NF1: variants seen among roughly 807,000 people sequenced by gnomAD.
NF1 encodes neurofibromin 1, also known as neurofibromin.
In NF1, 122 loss-of-function variants were observed where a neutral mutation model predicts 325.7. That is an observed-to-expected ratio of 0.37 (90% confidence interval 0.32 to 0.44). The LOEUF is 0.44. NF1 is among the 20% of genes least tolerant of loss of function. The pLI is 1.00. For synonymous variants in NF1, 1,091 were observed against 1,186.0 expected (o/e 0.92, Z 1.65); for missense variants, 2,140 against 3,415.4 (o/e 0.63, Z 9.31).
At chr17:31,164,036 C>G (rs989164832) in intron 4 of NF1, among the ~76,000 whole-genome samples, 2 of 152,162 alleles carry the variant, frequency 1.3e-5, no homozygotes, top group Non-Finnish European at 2.9e-5. Flanking sequence ...CCTTTGCTGT[C>G]TCATCCTCAC....
At chr17:31,131,436 G>T (rs868831105) in intron 1 of NF1, among the ~76,000 whole-genome samples, 2 of 152,194 alleles carry the variant, frequency 1.3e-5, no homozygotes, top group Non-Finnish European at 2.9e-5. Context: ...TGGTAGCCCT[G>T]TGCAGGGTTC....
intron 13 of NF1, among the ~76,000 whole-genome samples, 156 bp downstream of exon 13, chr17:31,214,741 T>G (rs2066791494): frequency 6.6e-6 from 1 of 152,212 alleles, no homozygotes; most frequent in South Asian, 2.1e-4. Context: ...AGAAAACTAA[T>G]GTATAATGAA....
intron 1 of NF1, among the ~76,000 whole-genome samples, chr17:31,102,266 T>C (rs1912407102): frequency 6.6e-6 from 1 of 152,296 alleles, no homozygotes; most frequent in Non-Finnish European, 1.5e-5. Flanking sequence ...TATTTTGCAA[T>C]GGTGTGATAG....
chr17:31,312,816 A>G (rs1034644571), intron 36 of NF1, among the ~76,000 whole-genome samples: 5 of 152,096 alleles, frequency 3.3e-5, no homozygotes, highest in African/African-American at 4.8e-5. Context: ...CCCACTATGA[A>G]CATATTATTC....
intron 1 of NF1, among the ~76,000 whole-genome samples, chr17:31,119,482 T>C (rs1914251517): frequency 6.6e-6 from 1 of 151,670 alleles, no homozygotes; most frequent in Non-Finnish European, 1.5e-5. Flanking sequence ...TTCTTGTAAA[T>C]TTAAGTTCTT....
Position 31,325,921 on chromosome 17 carries a change from C to CCCAT in NF1, c.4938_4941dup (p.Thr1648ProfsTer5). 1 of 1,614,134 alleles carries CCCAT rather than the reference C, an allele frequency of 6.2e-7. No individual in the cohort carries two copies. ...CCATATGAAATTGTAGTGGACCTTA[C>CCCAT]CCATACCGGGCCTAGCAATCGCTTT... On this transcript the variant is annotated frameshift_variant, in exon 37 of 58. Transcript: ENST00000358273. LOFTEE classifies it high-confidence loss of function.
rs770999287 is a variant in NF1, at chr17:31,200,380, A to G, written c.889-42A>G. ...ATATTAGCTACATCTGGAATAGAAG[A>G]AACTTCATATATTATCTTATCGCTA... is the stretch of plus-strand genomic sequence containing the variant. On this transcript the variant is annotated intron_variant, in intron 8 of 57. Transcript: ENST00000358273. 6 of 1,595,164 alleles carry G rather than the reference A, an allele frequency of 3.8e-6. No homozygotes were observed. In the African/African-American group the frequency reaches 5.4e-5, roughly 14 times the overall value.
At chr17:31,360,048 C>T in intron 56 of NF1, 1 of 181,326 alleles carries the variant, frequency 5.5e-6, no homozygotes, top group Non-Finnish European at 1.2e-5. Flanking sequence ...AAAAATGGGC[C>T]TGAAGTTACA....
At chr17:31,108,431 G>A (rs554257539) in intron 1 of NF1, among the ~76,000 whole-genome samples, 5 of 151,796 alleles carry the variant, frequency 3.3e-5, no homozygotes, top group African/African-American at 9.7e-5. Context: ...ACACCACCAC[G>A]CCTGGCTAAA....
At chr17:31,232,396 A>G (rs2067128373) in intron 25 of NF1, among the ~76,000 whole-genome samples, 2 of 152,158 alleles carry the variant, frequency 1.3e-5, no homozygotes, top group Non-Finnish European at 2.9e-5. Context: ...CAAAAGTGAC[A>G]TTGTCTAAGC....
chr17:31,250,922 C>T (rs1246803577), intron 30 of NF1: 1 of 189,836 alleles, frequency 5.3e-6, no homozygotes, highest in Non-Finnish European at 1.1e-5. Flanking sequence ...TCTTTAAAAA[C>T]ATGAATTAAA....
intron 36 of NF1, among the ~76,000 whole-genome samples, chr17:31,279,629 G>A (rs906674190): frequency 2.7e-5 from 4 of 150,650 alleles, no homozygotes; most frequent in South Asian, 2.1e-4. Flanking sequence ...TGGGAGTTTT[G>A]TGAACAATGG....
rs17882830 is a variant in NF1 at position 31,183,663 on chromosome 17, G to C, written c.888+998G>C. Among the ~76,000 whole-genome samples, 1,065 of 152,308 alleles carry C rather than the reference G, an allele frequency of 7.0e-3. 11 individuals carry two copies. Among genetic ancestry groups the C allele is most frequent in the Middle Eastern group, 0.024 (7 of 294 alleles). On this transcript the variant is annotated intron_variant, in intron 8 of 57. Transcript: ENST00000358273. ...TGATCCTGGGTGTATCTGTGAAGTT[G>C]TTGCCAAAGGAGATTAACATTTGAG...
chr17:31,323,356 G>A (rs778018273), intron 36 of NF1, among the ~76,000 whole-genome samples: 2 of 151,824 alleles, frequency 1.3e-5, no homozygotes, highest in Non-Finnish European at 2.9e-5. Flanking sequence ...CAAGGCTACA[G>A]TGAGCTGTGA....
At chr17:31,295,687 A>T in intron 36 of NF1, 1 of 1,614,126 alleles carries the variant, frequency 6.2e-7, no homozygotes, top group Non-Finnish European at 8.5e-7. Context: ...CTTGCAACTG[A>T]AAGAGTTGGT....
chr17:31,099,217 A>G (rs1912077465), intron 1 of NF1, among the ~76,000 whole-genome samples: 1 of 152,110 alleles, frequency 6.6e-6, no homozygotes, highest in African/African-American at 2.4e-5. Context: ...TTACAGACAT[A>G]TTGCACTCTG....
intron 1 of NF1, among the ~76,000 whole-genome samples, chr17:31,102,089 A>G (rs1428123470): frequency 1.3e-5 from 2 of 152,202 alleles, no homozygotes; most frequent in Non-Finnish European, 2.9e-5. Context: ...GCAATAGCCT[A>G]GGTCTGATAA....
At chr17:31,178,907 A>G (rs2066074445) in intron 5 of NF1, among the ~76,000 whole-genome samples, 1 of 152,150 alleles carries the variant, frequency 6.6e-6, no homozygotes, top group Admixed American at 6.5e-5. Flanking sequence ...CTCCCACACA[A>G]TAATAATGGG....
intron 53 of NF1, 76 bp downstream of exon 53, chr17:31,357,166 T>C: frequency 1.3e-6 from 2 of 1,599,518 alleles, no homozygotes; most frequent in Non-Finnish European, 1.7e-6. Context: ...CCTTAAATAT[T>C]AAAAACATGA....
Sources: gnomAD v4.1 joint callset for allele counts (sites outside exome capture counted in the v4.1 genomes callset) on GRCh38, gnomAD v4.1.1 for gene constraint, MANE v1.5 for transcripts, NCBI Gene and HGNC (gene_info 2026-07-23, HGNC 2026-07-21) for gene names.